ZFP36L1: variants seen among roughly 807,000 people sequenced by gnomAD.
The protein encoded by ZFP36L1 is ZFP36 like 1 zinc finger CCCH-type, also known as mRNA decay activator protein ZFP36L1.
A neutral mutation model predicts 16.7 loss-of-function variants in ZFP36L1; 4 were observed. The ratio of observed to expected loss-of-function variants is 0.24; its 90% CI spans 0.12 to 0.55. The LOEUF is 0.55. Ranked by LOEUF, ZFP36L1 falls within the 20% of genes least tolerant of loss-of-function variation. The pLI, the probability that ZFP36L1 is intolerant of heterozygous loss-of-function variation, is 0.94. For missense variants in ZFP36L1, 311 were observed against 449.2 expected (o/e 0.69, Z 2.78); for synonymous variants, 220 against 190.8 (o/e 1.15, Z -1.26).
In ZFP36L1 at chr14:68,790,058, G is replaced by T; in HGVS notation, c.492C>A (p.Ile164=). Residue 164 remains isoleucine (I), a synonymous_variant, in exon 2 of 2, where the codon ATC becomes ATA. Transcript: ENST00000439696. ...AGCGGGGCCCGTAGGGGCAAAAGCC[G>T]ATGGTGTGGAAGGTGCGGCACAGCT... ...KTELCRTFHT[I]GFCPYGPRCH... is the part of the protein sequence containing the mutation. The T allele has an allele frequency of 6.2e-7, 1 of 1,610,944 alleles. No homozygotes were observed. Among genetic ancestry groups the T allele is most frequent in the Non-Finnish European group, 8.5e-7 (1 of 1,178,686 alleles).
chr14:68,789,755 G>A lies in ZFP36L1; in HGVS notation c.795C>T (p.Ser265=), dbSNP rs777962695. 5.6e-6 allele frequency: 9 copies of A among 1,614,018 alleles called. No homozygotes were observed. The highest frequency in any genetic ancestry group is 7.6e-6 in the Non-Finnish European group (9 of 1,180,030). The change falls in exon 2 of 2, where the codon AGC becomes AGT. Residue 265 remains serine, a synonymous_variant. Transcript: ENST00000439696. This position sits in a 1 kb window ranked among gnomAD's most constrained non-coding sequence, Gnocchi z 4.5. ...SQELASLFAP[S]MGLPGGGSPT... ...GGGAGCCACCCCCGGGCAGCCCCAT[G>A]CTAGGGGCAAAGAGGCTTGCCAGCT...
intron 1 of ZFP36L1, among the ~76,000 whole-genome samples, chr14:68,792,173 T>C (rs1895093996): frequency 6.6e-6 from 1 of 152,004 alleles, no homozygotes; most frequent in Admixed American, 6.6e-5. Flanking sequence ...AGCCAGCATT[T>C]TGTCGCCACC....
rs1462406304 is a variant in ZFP36L1, at chr14:68,788,122, ATTAAT to A, written c.*1406_*1410del. Reference sequence around the variant, plus strand: ...CCAACAGTTTTTTGCATTTTTTTAAATTAATTTTTCATTTTTTTAAAATAAAATAA... The same window carrying A: ...CCAACAGTTTTTTGCATTTTTTTAAATTTTCATTTTTTTAAAATAAAATAA... On this transcript the variant is annotated 3_prime_UTR_variant, in exon 2 of 2. Transcript: ENST00000439696. 1.3e-5 allele frequency: 2 copies of A among 152,154 alleles called. No individual in the cohort carries two copies. The highest frequency in any genetic ancestry group is 2.9e-5 in the Non-Finnish European group (2 of 68,026). The allele number at this position is 152,154 out of a possible 1,614,324, so 9.4% of individuals were successfully genotyped here.
In ZFP36L1 at chr14:68,789,418, C is replaced by T; in HGVS notation, c.*115G>A. ...GAGGTGCTGGGGGAAAGGGGTTGAG[C>T]TTAACCTTGTTAATGTAGGGCCTGT... On this transcript the variant is annotated 3_prime_UTR_variant, in exon 2 of 2. Coordinates refer to ENST00000439696, the MANE Select transcript of ZFP36L1 (RefSeq NM_004926.4). This position sits in a 1 kb window ranked among gnomAD's most constrained non-coding sequence, Gnocchi z 4.5. 1.3e-6 allele frequency: 2 copies of T among 1,507,768 alleles called. No homozygotes were observed. The highest frequency in any genetic ancestry group is 1.8e-6 in the Non-Finnish European group (2 of 1,110,178). 93.4% of individuals were successfully genotyped at this position (1,507,768 alleles called of 1,614,324 possible). A position where few individuals can be genotyped will look rare whatever the true frequency, so the allele number is the denominator to read the frequency against.
chr14:68,796,029 C>A, upstream of ZFP36L1: 1 of 1,327,504 alleles, frequency 7.5e-7, no homozygotes, highest in East Asian at 4.9e-5. Flanking sequence ...GCATTCCGCC[C>A]TCCCGCTCCT....
upstream of ZFP36L1, chr14:68,793,890 C>A (rs1013338443): frequency 5.6e-5 from 55 of 974,360 alleles, no homozygotes; most frequent in Non-Finnish European, 6.7e-5. Context: ...TCGACACTCG[C>A]GCTCGCTTTG....
chr14:68,791,811 G>A (rs1895078624), intron 1 of ZFP36L1, among the ~76,000 whole-genome samples: 1 of 152,166 alleles, frequency 6.6e-6, no homozygotes, highest in African/African-American at 2.4e-5. Context: ...CTTTTTAAAT[G>A]CTACTCTTCA....
Position 68,789,748 on chromosome 14 carries a change from G to T in ZFP36L1, c.802C>A (p.Leu268Met). ...GTGGTCGGGGAGCCACCCCCGGGCA[G>T]CCCCATGCTAGGGGCAAAGAGGCTT... ...LASLFAPSMG[L>M]PGGGSPTTFL... is the part of the protein sequence containing the mutation. Residue 268 changes from leucine (L) to methionine (M), a missense_variant, in exon 2 of 2, where the codon CTG (leucine) becomes ATG (methionine). Physicochemically the swap from Leu to Met is conservative, Grantham distance 15 (BLOSUM62 2). Transcript: ENST00000439696. The surrounding 1 kb of genome is among the most constrained non-coding windows in gnomAD (Gnocchi z 4.5). 1 of 1,614,114 alleles carries T rather than the reference G, an allele frequency of 6.2e-7. No homozygotes were observed.
At chr14:68,793,369 A>G (rs561927022), upstream of ZFP36L1, 15 of 1,001,918 alleles carry the variant, frequency 1.5e-5, no homozygotes, top group Admixed American at 5.4e-5. Context: ...TGACTTCCCT[A>G]CCCGGCGCTT....
At chr14:68,790,971 C>T (rs1262978438) in intron 1 of ZFP36L1, 3 of 686,326 alleles carry the variant, frequency 4.4e-6, no homozygotes, top group Admixed American at 2.1e-5. Flanking sequence ...TTGATACCCC[C>T]TCCTTCAAGA....
At chr14:68,791,230 AT>A (rs1895060781) in intron 1 of ZFP36L1, 2 of 565,012 alleles carry the variant, frequency 3.5e-6, no homozygotes, top group African/African-American at 3.8e-5. Context: ...CACTGAGAAG[AT>A]GCCTTTGCAA....
intron 1 of ZFP36L1, chr14:68,790,833 A>G: frequency 3.4e-6 from 2 of 583,760 alleles, no homozygotes; most frequent in East Asian, 5.6e-5. Context: ...AAAATATCTC[A>G]CACAACCCAG....
intron 1 of ZFP36L1, among the ~76,000 whole-genome samples, chr14:68,791,574 C>G (rs2140210621): frequency 6.7e-6 from 1 of 148,814 alleles, no homozygotes; most frequent in South Asian, 2.2e-4. Flanking sequence ...GAATCTGTAA[C>G]TGCAACCACC....
intron 1 of ZFP36L1, 72 bp downstream of exon 1, chr14:68,792,810 A>G (rs1895134855): frequency 2.5e-6 from 4 of 1,595,768 alleles, no homozygotes; most frequent in Non-Finnish European, 1.7e-6. Flanking sequence ...CCAAGACCCA[A>G]ACTTTTGGGG....
Position 68,792,911 on chromosome 14 carries a change from T to C in ZFP36L1, c.28A>G (p.Ile10Val), listed in dbSNP as rs763117294. 1.9e-6 allele frequency: 3 copies of C among 1,614,040 alleles called. No homozygotes were observed. The highest frequency in any genetic ancestry group is 2.5e-6 in the Non-Finnish European group (3 of 1,179,978). The change falls in exon 1 of 2, where the codon ATC becomes GTC. Residue 10 changes from isoleucine to valine, a missense_variant. This residue lies in a region of ZFP36L1 where 137 missense variants were observed against 142.6 expected (regional missense o/e 0.96). Coordinates refer to ENST00000439696, the MANE Select transcript of ZFP36L1 (RefSeq NM_004926.4). ...CATAAAACTTCGCTCAAGTCGAAGA[T>C]GGTGGCAGACACGAGGGTGGTGGTC... MTTTLVSATIFDLSEVLCKG... is the reference protein window; with the variant it reads MTTTLVSATVFDLSEVLCKG...
At position 68,789,002 on chromosome 14, in the gene ZFP36L1, G is replaced by C. The variant is rs1054624266; in HGVS notation, c.*531C>G. ...AAGAGGGGAGGAGGAATAAGTGTGC[G>C]GGAGACTGAAATGAGGGAAGGTGCA... On this transcript the variant is annotated 3_prime_UTR_variant, in exon 2 of 2. Transcript: ENST00000439696. The surrounding 1 kb of genome is among the most constrained non-coding windows in gnomAD (Gnocchi z 4.5). 28 of 153,572 alleles carry C rather than the reference G, an allele frequency of 1.8e-4. No individual in the cohort carries two copies. The highest frequency in any genetic ancestry group is 6.3e-4 in the African/African-American group (26 of 41,550). The allele number at this position is 153,572 out of a possible 1,614,324, so 9.5% of individuals were successfully genotyped here.
chr14:68,793,839 T>A (rs936587460), upstream of ZFP36L1: 1 of 971,988 alleles, frequency 1.0e-6, no homozygotes, highest in African/African-American at 1.9e-5. Context: ...GGACATGGTC[T>A]GGCGGGGGCG....
rs1300460118 is a variant in ZFP36L1 at position 68,792,996 on chromosome 14, C to G, written c.-58G>C. On this transcript the variant is annotated 5_prime_UTR_variant, in exon 1 of 2. Transcript: ENST00000439696. ...CTGGTGTGTCGCGAAGGTCCCGGTGCGGGGAAGGCGCAGCCTCTCCTGTCT... is the reference window on the plus strand; with the variant it reads ...CTGGTGTGTCGCGAAGGTCCCGGTGGGGGGAAGGCGCAGCCTCTCCTGTCT... 1 of 1,610,272 alleles carries G rather than the reference C, an allele frequency of 6.2e-7. No individual in the cohort carries two copies. Among genetic ancestry groups the G allele is most frequent in the Non-Finnish European group, 8.5e-7 (1 of 1,179,266 alleles).
chr14:68,792,369 T>A (rs1011106286), intron 1 of ZFP36L1, among the ~76,000 whole-genome samples: 12 of 152,152 alleles, frequency 7.9e-5, no homozygotes, highest in Non-Finnish European at 1.6e-4. Context: ...TCTTTTTGAA[T>A]CACAACTTGG....
Sources: allele counts gnomAD v4.1 joint callset (sites outside exome capture counted in the v4.1 genomes callset), GRCh38; gene constraint gnomAD v4.1.1; regional missense constraint gnomAD v4.1.1; non-coding constraint Gnocchi (gnomAD v3.1); transcripts MANE v1.5; gene names NCBI Gene and HGNC (gene_info 2026-07-23, HGNC 2026-07-21).